Variants in LARGE1 observed in about 807,000 individuals in gnomAD.
LARGE1 encodes xylosyl- and glucuronyltransferase LARGE1.
In LARGE1, 43 loss-of-function variants were observed where a neutral mutation model predicts 87.6. That is an observed-to-expected ratio of 0.49 (90% confidence interval 0.38 to 0.63). The LOEUF is 0.63. Ranked by LOEUF, LARGE1 falls within the 30% of genes least tolerant of loss-of-function variation. The probability of loss-of-function intolerance (pLI) is 0.00; values close to 1 mark genes in which losing one functional copy is unlikely to be tolerated. For synonymous variants in LARGE1, 434 were observed against 394.6 expected (o/e 1.10, Z -1.18); for missense variants, 802 against 1,000.2 (o/e 0.80, Z 2.67).
intron 11 of LARGE1, among the ~76,000 whole-genome samples, chr22:33,255,417 A>C (rs1008810118): frequency 6.6e-6 from 1 of 152,234 alleles, no homozygotes; most frequent in African/African-American, 2.4e-5. Flanking sequence ...CAAATGCTGG[A>C]GAGGCTTCCT....
intron 11 of LARGE1, among the ~76,000 whole-genome samples, chr22:33,192,094 G>T (rs5998798): frequency 0.032 from 4,845 of 152,212 alleles, 271 homozygotes; most frequent in African/African-American, 0.11. Context: ...CTGATTTTAA[G>T]AAAACTACCT....
intron 10 of LARGE1, among the ~76,000 whole-genome samples, chr22:33,327,872 G>C (rs1407191976): frequency 6.6e-6 from 1 of 152,084 alleles, no homozygotes; most frequent in Non-Finnish European, 1.5e-5. Flanking sequence ...CCAAGTGGAG[G>C]GATGCTTCTG....
chr22:33,304,240 A>G lies in LARGE1; in HGVS notation c.1719T>C (p.Tyr573=). Residue 573 remains tyrosine (Y), a synonymous_variant, in exon 12 of 15, where the codon TAT becomes TAC. Coordinates refer to ENST00000397394, the MANE Select transcript of LARGE1 (RefSeq NM_133642.5). ...DIDFLPMYGL[Y]EYLRKSVIQL... is the part of the protein sequence containing the mutation. ...CTGCAGGTCCTTACCTGAGGTACTCATAGAGCCCATACATGGGCAGGAAGT... is the reference window on the plus strand; with the variant it reads ...CTGCAGGTCCTTACCTGAGGTACTCGTAGAGCCCATACATGGGCAGGAAGT... 6.2e-7 allele frequency: 1 copy of G among 1,614,236 alleles called. No individual in the cohort carries two copies. The highest frequency in any genetic ancestry group is 8.5e-7 in the Non-Finnish European group (1 of 1,180,046).
the LARGE1 span, among the ~76,000 whole-genome samples, chr22:33,118,821 AT>A: frequency 6.6e-6 from 1 of 152,224 alleles, no homozygotes; most frequent in African/African-American, 2.4e-5. Context: ...ATCCATCTTT[AT>A]AAGGTTTCAG....
At chr22:33,363,192 A>G (rs1212936785) in intron 9 of LARGE1, among the ~76,000 whole-genome samples, 1 of 149,782 alleles carries the variant, frequency 6.7e-6, no homozygotes, top group East Asian at 1.9e-4. Context: ...GTATCTGCAC[A>G]CATTCCAAAA....
intron 12 of LARGE1, among the ~76,000 whole-genome samples, chr22:33,295,350 G>A (rs550376400): frequency 1.3e-5 from 2 of 152,336 alleles, no homozygotes; most frequent in South Asian, 2.1e-4. Context: ...GGGCACACAT[G>A]TGTGTGTACA....
intron 2 of LARGE1, among the ~76,000 whole-genome samples, chr22:33,745,929 A>G (rs2084065742): frequency 6.6e-6 from 1 of 152,216 alleles, no homozygotes; most frequent in South Asian, 2.1e-4. Context: ...GACCTTACAT[A>G]GAAAAAAAAG....
intron 5 of LARGE1, among the ~76,000 whole-genome samples, chr22:33,579,280 T>G (rs2078443284): frequency 1.3e-5 from 2 of 152,212 alleles, no homozygotes; most frequent in Non-Finnish European, 2.9e-5. Flanking sequence ...AAGCTCTCTC[T>G]TTGCCTGCTG....
At chr22:33,430,652 C>T (rs1283520147) in intron 7 of LARGE1, among the ~76,000 whole-genome samples, 2 of 152,172 alleles carry the variant, frequency 1.3e-5, no homozygotes, top group Non-Finnish European at 2.9e-5. Context: ...AAGGAATGTC[C>T]CCGTCTCTTA....
intron 11 of LARGE1, among the ~76,000 whole-genome samples, chr22:33,212,155 T>TA (rs200141697): frequency 0.019 from 2,680 of 144,082 alleles, 67 homozygotes; most frequent in African/African-American, 0.061. Flanking sequence ...TTTTCAAGGT[T>TA]AAAAAAAAAA....
chr22:33,399,832 G>C (rs144874906), intron 7 of LARGE1, among the ~76,000 whole-genome samples: 11 of 152,340 alleles, frequency 7.2e-5, no homozygotes, highest in African/African-American at 2.6e-4. Flanking sequence ...AGAGGCGTGA[G>C]CCACCACGCC....
At chr22:33,377,400 C>T (rs2065023911) in intron 9 of LARGE1, among the ~76,000 whole-genome samples, 2 of 152,310 alleles carry the variant, frequency 1.3e-5, no homozygotes, top group Admixed American at 1.3e-4. Context: ...ATAAAATCCT[C>T]TTCATTTTTC....
At chr22:33,347,851 C>T (rs533615373) in intron 9 of LARGE1, among the ~76,000 whole-genome samples, 3 of 152,224 alleles carry the variant, frequency 2.0e-5, no homozygotes, top group Admixed American at 6.5e-5. Flanking sequence ...AATATCAGGA[C>T]AGATGAAATG....
At chr22:33,510,355 A>T (rs1602180226) in intron 6 of LARGE1, among the ~76,000 whole-genome samples, 1 of 152,338 alleles carries the variant, frequency 6.6e-6, no homozygotes, top group South Asian at 2.1e-4. Flanking sequence ...TAGGAACTTT[A>T]CAGATGAGGA....
intron 4 of LARGE1, among the ~76,000 whole-genome samples, chr22:33,615,027 TGAG>T (rs1310048658): frequency 1.3e-5 from 2 of 152,226 alleles, no homozygotes; most frequent in Non-Finnish European, 2.9e-5. Context: ...ACCACAGTTC[TGAG>T]GAGGCCATTC....
At chr22:33,795,060 G>T (rs770816835) in intron 1 of LARGE1, among the ~76,000 whole-genome samples, 1 of 152,204 alleles carries the variant, frequency 6.6e-6, no homozygotes, top group Non-Finnish European at 1.5e-5. Context: ...TCAATGAATG[G>T]TAAGAGTTGT....
intron 5 of LARGE1, among the ~76,000 whole-genome samples, chr22:33,591,120 G>C (rs1471432565): frequency 6.6e-6 from 1 of 152,234 alleles, no homozygotes; most frequent in African/African-American, 2.4e-5. Flanking sequence ...AGAATCGCTT[G>C]AACCCGCGAG....
At chr22:33,858,034 C>G (rs1455661829) in intron 1 of LARGE1, among the ~76,000 whole-genome samples, 1 of 152,086 alleles carries the variant, frequency 6.6e-6, no homozygotes, top group East Asian at 1.9e-4. Flanking sequence ...CTCACAGATT[C>G]CAAGGAATGG....
chr22:33,418,694 G>A (rs2147538140), intron 7 of LARGE1, among the ~76,000 whole-genome samples: 1 of 152,266 alleles, frequency 6.6e-6, no homozygotes, highest in Admixed American at 6.5e-5. Context: ...CAGCCAGGGG[G>A]CCAGAGTGGC....
Sources: allele counts gnomAD v4.1 joint callset (sites outside exome capture counted in the v4.1 genomes callset), GRCh38; gene constraint gnomAD v4.1.1; transcripts MANE v1.5; gene names NCBI Gene and HGNC (gene_info 2026-07-23, HGNC 2026-07-21).